SMC4: variants seen among roughly 807,000 people sequenced by gnomAD.
The protein encoded by SMC4 is structural maintenance of chromosomes 4.
In SMC4, 87 loss-of-function variants were observed where a neutral mutation model predicts 145.6. The ratio of observed to expected loss-of-function variants is 0.60; its 90% CI spans 0.50 to 0.71. The LOEUF is 0.71. SMC4 is among the 30% of genes least tolerant of loss of function. The pLI, the probability that SMC4 is intolerant of heterozygous loss-of-function variation, is 0.00. For synonymous variants in SMC4, 558 were observed against 500.7 expected (o/e 1.11, Z -1.53); for missense variants, 1,447 against 1,537.1 (o/e 0.94, Z 0.98).
At chr3:160,432,987 T>C (rs1227612682) in intron 22 of SMC4, 39 bp from the exon 23 acceptor site, 1 of 1,428,464 alleles carries the variant, frequency 7.0e-7, no homozygotes, top group Non-Finnish European at 9.8e-7. Flanking sequence ...AACTTTAGCT[T>C]TACAGGTAAT....
intron 17 of SMC4, 31 bp downstream of exon 17, chr3:160,426,231 G>GA (rs373580297): frequency 0.015 from 17,357 of 1,194,742 alleles, 1 homozygote; most frequent in Non-Finnish European, 0.016. Flanking sequence ...TTTTTGGGGG[G>GA]AAAAAAAAAA....
chr3:160,402,506 A>G (rs1576932840), intron 3 of SMC4, among the ~76,000 whole-genome samples, 170 bp from the exon 4 acceptor site: 1 of 152,332 alleles, frequency 6.6e-6, no homozygotes, highest in East Asian at 1.9e-4. Flanking sequence ...TTAAGAGAGA[A>G]CTTGATGTAA....
intron 22 of SMC4, 105 bp from the exon 23 acceptor site, chr3:160,432,919 TAC>T: frequency 1.5e-5 from 11 of 745,894 alleles, no homozygotes; most frequent in Non-Finnish European, 2.2e-5. Context: ...AAAAGCAAGT[TAC>T]AGATTCCTAA....
Position 160,423,630 on chromosome 3 carries a change from G to T in SMC4, c.2225G>T (p.Gly742Val). ...AGATGGAGAGTGGTAACTTTACAGG[G>T]ACAAATCATAGAACAGTCAGGTAAT... ...DRRWRVVTLQ[G>V]QIIEQSGTMT... The change falls in exon 14 of 24, where the codon GGA becomes GTA. Residue 742 changes from glycine to valine, a missense_variant. Coordinates refer to ENST00000357388, the MANE Select transcript of SMC4 (RefSeq NM_001002800.3). The T allele has an allele frequency of 6.2e-7, 1 of 1,612,394 alleles. No individual in the cohort carries two copies. Among genetic ancestry groups the T allele is most frequent in the Non-Finnish European group, 8.5e-7 (1 of 1,178,976 alleles).
At position 160,425,460 on chromosome 3, in the gene SMC4, G is replaced by A. The variant is rs976352262; in HGVS notation, c.2478+441G>A. 1.2e-4 allele frequency among the ~76,000 whole-genome samples: 18 copies of A among 151,854 alleles called. 1 individual carries two copies. Among genetic ancestry groups the A allele is most frequent in the Non-Finnish European group, 1.3e-4 (9 of 67,916 alleles). ...TTGCATGTAATGTATTTATATATGT[G>A]GTAGATATGTGTAGATATATAAAGT... is the stretch of plus-strand genomic sequence containing the variant. On this transcript the variant is annotated intron_variant, in intron 16 of 23. Transcript: ENST00000357388.
In SMC4 at chr3:160,412,028, C is replaced by G; in HGVS notation, c.796C>G (p.Pro266Ala). ...DIIGCGRLNE[P>A]IKVLCRRVEI... The stretch of plus-strand genomic sequence containing the variant: ...AATTGGTTGTGGACGGCTAAATGAA[C>G]CTATTAAAGTCTTGTGTCGGAGAGT... The change falls in exon 6 of 24, where the codon CCT (proline) becomes GCT (alanine). Residue 266 changes from proline (P) to alanine (A), a missense_variant. Physicochemically the swap from Pro to Ala is conservative, Grantham distance 27. Transcript: ENST00000357388. 1.2e-6 allele frequency: 2 copies of G among 1,613,460 alleles called. No individual in the cohort carries two copies. Among genetic ancestry groups the G allele is most frequent in the Non-Finnish European group, 1.7e-6 (2 of 1,179,710 alleles).
At chr3:160,427,716 C>T (rs1263087864) in intron 17 of SMC4, among the ~76,000 whole-genome samples, 1 of 152,172 alleles carries the variant, frequency 6.6e-6, no homozygotes, top group South Asian at 2.1e-4. Context: ...ATATTTTCAA[C>T]TATTGAACAT....
At chr3:160,430,136 T>C (rs931084188) in intron 18 of SMC4, among the ~76,000 whole-genome samples, 5 of 152,226 alleles carry the variant, frequency 3.3e-5, no homozygotes, top group Admixed American at 2.0e-4. Flanking sequence ...TGATTGCATA[T>C]TGATTATCTG....
At chr3:160,412,298 TCA>T in intron 6 of SMC4, 26 bp from the exon 7 acceptor site, 2 of 1,570,238 alleles carry the variant, frequency 1.3e-6, no homozygotes, top group Non-Finnish European at 1.7e-6. Context: ...AAGTGTGTAT[TCA>T]GTCTTTAAAC....
intron 7 of SMC4, among the ~76,000 whole-genome samples, chr3:160,413,251 T>A (rs539452267): frequency 6.6e-6 from 1 of 152,234 alleles, no homozygotes; most frequent in Admixed American, 6.5e-5. Context: ...CCTAAAGTGC[T>A]GGGATTACAG....
intron 17 of SMC4, 138 bp from the exon 18 acceptor site, chr3:160,428,615 T>TA (rs111787779): frequency 2.5e-5 from 17 of 677,184 alleles, no homozygotes; most frequent in African/African-American, 2.1e-4. Context: ...TTTTTTTTTT[T>TA]AAGGTGCTTT....
chr3:160,405,394 G>T (rs770432829), intron 5 of SMC4, among the ~76,000 whole-genome samples: 2 of 151,414 alleles, frequency 1.3e-5, no homozygotes, highest in African/African-American at 4.8e-5. Context: ...CTTTTCCTGT[G>T]TTCTATCCAG....
chr3:160,425,929 A>G (rs1717743181), intron 16 of SMC4, 145 bp from the exon 17 acceptor site: 14 of 603,392 alleles, frequency 2.3e-5, no homozygotes, highest in Non-Finnish European at 3.7e-5. Context: ...GGCCATTTTC[A>G]TTTTTTATAT....
Position 160,428,962 on chromosome 3 carries a change from CTAACT to C in SMC4, c.2795+22_2795+26del, listed in dbSNP as rs773052698. ...TGACAGGTAGAGTATGCATGTTACC[CTAACT>C]TGTTTTCCCTTTCCCTGCCTTCACA... On this transcript the variant is annotated intron_variant, in intron 18 of 23. Coordinates refer to ENST00000357388, the MANE Select transcript of SMC4 (RefSeq NM_001002800.3). 3 of 1,543,894 alleles carry C rather than the reference CTAACT, an allele frequency of 1.9e-6. No individual in the cohort carries two copies. Among genetic ancestry groups the C allele is most frequent in the Non-Finnish European group, 2.6e-6 (3 of 1,154,986 alleles).
intron 5 of SMC4, among the ~76,000 whole-genome samples, chr3:160,406,599 A>C (rs905847426): frequency 6.6e-6 from 1 of 152,212 alleles, no homozygotes; most frequent in Non-Finnish European, 1.5e-5. Flanking sequence ...ACTTGGAATA[A>C]AACATGTAGA....
rs909792638 is a variant in SMC4, at chr3:160,409,245, G to A, written c.688-2675G>A. 3.9e-5 allele frequency among the ~76,000 whole-genome samples: 5 copies of A among 128,308 alleles called. No individual in the cohort carries two copies. In the South Asian group the frequency reaches 7.7e-4, roughly 20 times the overall value. The allele number at this position is 128,308 out of a possible 152,430, so 84.2% of individuals were successfully genotyped here. On this transcript the variant is annotated intron_variant, in intron 5 of 23. Transcript: ENST00000357388. ...CGCGCCACTGCACTCCAGCCTGGGC[G>A]ACAGAGCGAAACTCCGTCTCAAAAA...
At chr3:160,423,712 A>G (rs1415449733) in intron 14 of SMC4, 49 bp from the exon 15 acceptor site, 3 of 1,601,656 alleles carry the variant, frequency 1.9e-6, no homozygotes, top group Admixed American at 1.7e-5. Context: ...ACTTTATTTA[A>G]TCTTGTTGGG....
At chr3:160,433,584 A>G (rs1207533046) in intron 23 of SMC4, 73 bp from the exon 24 acceptor site, 1 of 895,774 alleles carries the variant, frequency 1.1e-6, no homozygotes, top group East Asian at 2.5e-5. Context: ...TGTCCAAAAA[A>G]TATTTGAGGT....
At chr3:160,404,117 G>A (rs999159555) in intron 4 of SMC4, 2 of 463,368 alleles carry the variant, frequency 4.3e-6, no homozygotes, top group Non-Finnish European at 7.5e-6. Flanking sequence ...TGATTTTTGT[G>A]ATCTTTGAGA....
Sources: gnomAD v4.1 joint callset for allele counts (sites outside exome capture counted in the v4.1 genomes callset) on GRCh38, gnomAD v4.1.1 for gene constraint, MANE v1.5 for transcripts, NCBI Gene and HGNC (gene_info 2026-07-23, HGNC 2026-07-21) for gene names.